The following COBL variants were observed in gnomAD, a reference collection of about 807,000 sequenced individuals.
COBL encodes the protein protein cordon-bleu.
A neutral mutation model predicts 98.8 loss-of-function variants in COBL; 51 were observed. The ratio of observed to expected loss-of-function variants is 0.52; its 90% confidence interval spans 0.41 to 0.65. The LOEUF is 0.65. COBL is among the 30% of genes least tolerant of loss of function. The pLI is 0.00. For missense variants in COBL, 1,617 were observed against 1,617.5 expected (o/e 1.00, Z 0.01); for synonymous variants, 634 against 651.7 (o/e 0.97, Z 0.41).
At chr7:51,060,782 G>T (rs769043073) in intron 7 of COBL, among the ~76,000 whole-genome samples, 1 of 152,146 alleles carries the variant, frequency 6.6e-6, no homozygotes, top group Non-Finnish European at 1.5e-5. Context: ...TGATTCCACC[G>T]AACTGGAAGT....
At chr7:51,304,012 T>TG (rs1241699812) in intron 1 of COBL, among the ~76,000 whole-genome samples, 1 of 152,124 alleles carries the variant, frequency 6.6e-6, no homozygotes, top group Non-Finnish European at 1.5e-5. Context: ...GGCGGCACCT[T>TG]GAAGTTCAGA....
chr7:51,183,884 G>A (rs1280468651), intron 5 of COBL, among the ~76,000 whole-genome samples: 1 of 152,244 alleles, frequency 6.6e-6, no homozygotes, highest in Non-Finnish European at 1.5e-5. Context: ...TCCCCCTAGT[G>A]AATAAACCAC....
intron 1 of COBL, among the ~76,000 whole-genome samples, chr7:51,234,321 G>A (rs761806445): frequency 1.3e-5 from 2 of 152,194 alleles, no homozygotes; most frequent in Non-Finnish European, 2.9e-5. Flanking sequence ...TTAGACCTGC[G>A]GCCACCCACC....
intron 1 of COBL, among the ~76,000 whole-genome samples, chr7:51,230,970 G>T (rs1218744532): frequency 6.6e-6 from 1 of 152,126 alleles, no homozygotes; most frequent in Non-Finnish European, 1.5e-5. Context: ...GAGATCAAAG[G>T]GGTACTACGG....
intron 6 of COBL, among the ~76,000 whole-genome samples, chr7:51,111,671 C>CT (rs1383118842): frequency 6.6e-6 from 1 of 152,178 alleles, no homozygotes; most frequent in African/African-American, 2.4e-5. Flanking sequence ...GCCTCTCCCC[C>CT]GTGCCTGGGC....
At chr7:51,094,384 C>G (rs1278554980) in intron 6 of COBL, among the ~76,000 whole-genome samples, 1 of 151,586 alleles carries the variant, frequency 6.6e-6, no homozygotes, top group Non-Finnish European at 1.5e-5. Context: ...AATAATCTCA[C>G]CACAAAAAAA....
At chr7:51,124,837 C>G (rs1048030598) in intron 6 of COBL, among the ~76,000 whole-genome samples, 10 of 151,042 alleles carry the variant, frequency 6.6e-5, no homozygotes, top group Non-Finnish European at 1.3e-4. Flanking sequence ...TTTGTTTTTT[C>G]TTTGACAGAG....
intron 2 of COBL, among the ~76,000 whole-genome samples, chr7:51,195,319 T>C (rs976115076): frequency 6.6e-6 from 1 of 152,196 alleles, no homozygotes; most frequent in Non-Finnish European, 1.5e-5. Context: ...AAAGATCAGA[T>C]AGTTGTAGGT....
intron 7 of COBL, among the ~76,000 whole-genome samples, chr7:51,081,615 A>T (rs1050278630): frequency 1.8e-4 from 27 of 152,318 alleles, no homozygotes; most frequent in African/African-American, 6.3e-4. Context: ...GGAGCCCAGG[A>T]GAAAGCGAGG....
At chr7:51,292,759 G>T (rs1801029124) in intron 1 of COBL, among the ~76,000 whole-genome samples, 1 of 152,190 alleles carries the variant, frequency 6.6e-6, no homozygotes, top group Non-Finnish European at 1.5e-5. Flanking sequence ...TCCTTCCAAG[G>T]CCCGTGGCTT....
chr7:51,086,046 T>C (rs940199922), intron 6 of COBL, among the ~76,000 whole-genome samples: 2 of 152,164 alleles, frequency 1.3e-5, no homozygotes, highest in Non-Finnish European at 2.9e-5. Flanking sequence ...GTCTGTAAAA[T>C]TGAATTCACT....
intron 6 of COBL, among the ~76,000 whole-genome samples, chr7:51,099,591 G>A (rs1197090924): frequency 6.6e-6 from 1 of 152,038 alleles, no homozygotes; most frequent in African/African-American, 2.4e-5. Context: ...CTTGAGGGAG[G>A]GGGAAAAGAT....
At chr7:51,088,980 G>A (rs183657645) in intron 6 of COBL, among the ~76,000 whole-genome samples, 2 of 152,322 alleles carry the variant, frequency 1.3e-5, no homozygotes, top group Admixed American at 6.5e-5. Context: ...TTCTGCCACT[G>A]CAGGGGGTGG....
chr7:51,266,616 T>C (rs1055881975), intron 1 of COBL, among the ~76,000 whole-genome samples: 4 of 152,198 alleles, frequency 2.6e-5, no homozygotes, highest in Non-Finnish European at 5.9e-5. Context: ...ATTCTTATTT[T>C]AAATGACAAA....
intron 7 of COBL, among the ~76,000 whole-genome samples, chr7:51,057,351 C>T (rs200715669): frequency 6.9e-6 from 1 of 145,686 alleles, no homozygotes; most frequent in African/African-American, 2.6e-5. Flanking sequence ...CACACACACA[C>T]ATATATTCAG....
At chr7:51,266,518 C>T (rs769568528) in intron 1 of COBL, among the ~76,000 whole-genome samples, 5 of 152,148 alleles carry the variant, frequency 3.3e-5, no homozygotes, top group South Asian at 2.1e-4. Context: ...GCAGAGGTTG[C>T]GGTGAGCCAA....
intron 5 of COBL, among the ~76,000 whole-genome samples, chr7:51,164,553 G>C (rs1253311116): frequency 6.6e-6 from 1 of 152,014 alleles, no homozygotes; most frequent in Admixed American, 6.6e-5. Context: ...GAGAAATAAA[G>C]ACTTCCCTCA....
intron 6 of COBL, among the ~76,000 whole-genome samples, chr7:51,096,438 A>G (rs1447959461): frequency 2.6e-5 from 4 of 152,138 alleles, no homozygotes; most frequent in Non-Finnish European, 2.9e-5. Context: ...CATCAGCAAT[A>G]TGACTTTGTA....
chr7:51,067,760 A>G (rs1257545879), intron 7 of COBL, among the ~76,000 whole-genome samples: 1 of 152,224 alleles, frequency 6.6e-6, no homozygotes, highest in Non-Finnish European at 1.5e-5. Context: ...CTGCAACATA[A>G]TATTGGCATA....
Sources: allele counts gnomAD v4.1 joint callset (sites outside exome capture counted in the v4.1 genomes callset), GRCh38; gene constraint gnomAD v4.1.1; transcripts MANE v1.5; gene names NCBI Gene and HGNC (gene_info 2026-07-23, HGNC 2026-07-21).